The following TEDC1 variants were observed in gnomAD, a reference collection of about 807,000 sequenced individuals.
TEDC1 encodes the protein tubulin epsilon and delta complex protein 1.
Under a neutral mutation model 59.9 loss-of-function variants are expected in TEDC1, and 54 were observed. The ratio of observed to expected loss-of-function variants is 0.90; its 90% CI spans 0.72 to 1.13. The LOEUF is 1.13. TEDC1 is among the 50% of genes most tolerant of loss of function. The pLI, the probability that TEDC1 is intolerant of heterozygous loss-of-function variation, is 0.00. For missense variants in TEDC1, 734 were observed against 683.4 expected (o/e 1.07, Z -0.83); for synonymous variants, 353 against 298.1 (o/e 1.18, Z -1.90).
At position 105,492,696 on chromosome 14, in the gene TEDC1, G is replaced by C. The variant is rs1555439741; in HGVS notation, c.547G>C (p.Val183Leu). Residue 183 changes from valine (V) to leucine (L), a missense_variant, in exon 4 of 9, where the codon GTG (valine) becomes CTG (leucine). Coordinates refer to ENST00000392523, the MANE Select transcript of TEDC1 (RefSeq NM_001367178.1). ...GKLRFRWRQL[V>L]SSQQEQCALL... is the part of the protein sequence containing the mutation. ...GCTGCGGTTCCGGTGGCGCCAGCTG[G>C]TGTCCAGTCAGCAGGAGCAGTGCGC... 1 of 1,544,624 alleles carries C rather than the reference G, an allele frequency of 6.5e-7. No individual in the cohort carries two copies. Among genetic ancestry groups the C allele is most frequent in the Admixed American group, 2.0e-5 (1 of 51,004 alleles).
Position 105,498,773 on chromosome 14 carries a change from GGGGCAGCAGGGGACCGGGACCTGC to G in TEDC1, c.1323_1346del (p.Gly442_Ala449del), listed in dbSNP as rs2084405410. ...ACACCGGCTGGTGAGACGAGAGGAT[GGGGCAGCAGGGGACCGGGACCTGC>G]GGGCAGCTGTGGTGATCAGGACGCT... is the stretch of plus-strand genomic sequence containing the variant. On this transcript the variant is annotated inframe_deletion, in exon 9 of 9. Transcript: ENST00000392523. The G allele has an allele frequency of 7.0e-6, 11 of 1,570,116 alleles. No individual in the cohort carries two copies. Among genetic ancestry groups the G allele is most frequent in the Non-Finnish European group, 9.5e-6 (11 of 1,158,736 alleles).
chr14:105,497,508 CGG>C, intron 7 of TEDC1, 65 bp downstream of exon 7: 1 of 1,503,620 alleles, frequency 6.7e-7, no homozygotes, highest in Non-Finnish European at 8.9e-7. Flanking sequence ...GTGGGGCATT[CGG>C]GATCTTCCTG....
chr14:105,496,368 C>T (rs960270569), intron 6 of TEDC1: 63 of 462,272 alleles, frequency 1.4e-4, no homozygotes, highest in African/African-American at 1.2e-3. Context: ...ACCTCCCTGT[C>T]CTCATATTCT....
chr14:105,494,093 C>G (rs2084286524), intron 5 of TEDC1, 160 bp downstream of exon 5: 1 of 638,356 alleles, frequency 1.6e-6, no homozygotes. Context: ...GCCTGGGTGA[C>G]AGACAGCTTC....
chr14:105,492,049 C>T (rs1340095025), intron 2 of TEDC1, 58 bp from the exon 3 acceptor site: 4 of 1,517,706 alleles, frequency 2.6e-6, no homozygotes, highest in South Asian at 2.4e-5. Context: ...CTGGAGGGAT[C>T]CAGGTGGTGT....
At chr14:105,493,498 C>G (rs1055279201) in intron 4 of TEDC1, among the ~76,000 whole-genome samples, 17 of 152,158 alleles carry the variant, frequency 1.1e-4, no homozygotes. Flanking sequence ...CCTGGCTGAA[C>G]TGCTGTGCCT....
rs587695272 is a variant in TEDC1, at chr14:105,499,235, C to T, written c.*289C>T. The T allele has an allele frequency of 5.6e-5, 29 of 518,058 alleles. No homozygotes were observed. The highest frequency in any genetic ancestry group is 1.9e-4 in the South Asian group (8 of 41,700). The allele number at this position is 518,058 out of a possible 1,614,324, so 32.1% of individuals were successfully genotyped here. On this transcript the variant is annotated 3_prime_UTR_variant, in exon 9 of 9. Coordinates refer to ENST00000392523, the MANE Select transcript of TEDC1 (RefSeq NM_001367178.1). The stretch of plus-strand genomic sequence containing the variant: ...ATTGTAGCAGCTTTCCTGCCGCTGG[C>T]CCTCCCCCTGCCACCCTGTCGGGTT...
chr14:105,491,753 C>T, intron 2 of TEDC1, 53 bp downstream of exon 2: 1 of 1,511,712 alleles, frequency 6.6e-7, no homozygotes, highest in Non-Finnish European at 8.9e-7. Flanking sequence ...CCGCCTACTC[C>T]TGTAAAGCCC....
Position 105,492,588 on chromosome 14 carries a change from C to T in TEDC1, c.439C>T (p.Leu147=), listed in dbSNP as rs1252707821. The T allele has an allele frequency of 1.3e-6, 2 of 1,538,894 alleles. No individual in the cohort carries two copies. Among genetic ancestry groups the T allele is most frequent in the Non-Finnish European group, 1.7e-6 (2 of 1,146,770 alleles). Reference sequence around the variant, plus strand: ...CCTTGCCCCTCTCCAGTGTGAGGCCCTGGCCAGCCCTGGCCCACCTGCACC... The same window carrying T: ...CCTTGCCCCTCTCCAGTGTGAGGCCTTGGCCAGCCCTGGCCCACCTGCACC... The part of the protein sequence containing the change: ...DEMTVCQCEA[L]ASPGPPAPHM... The change falls in exon 4 of 9, where the codon CTG becomes TTG. Residue 147 remains leucine (L), a synonymous_variant. Coordinates refer to ENST00000392523, the MANE Select transcript of TEDC1 (RefSeq NM_001367178.1).
rs931527670 is a variant in TEDC1, at chr14:105,493,682, G to A, written c.586-153G>A. On this transcript the variant is annotated intron_variant, in intron 4 of 8. Transcript: ENST00000392523. ...GTTGTTCTGCACCCAGCCCAGCCCC[G>A]CCAACCTCAGGCAAGGAGTGGCTTT... 3.3e-4 allele frequency among the ~76,000 whole-genome samples: 50 copies of A among 152,224 alleles called. No individual in the cohort carries two copies. In the Middle Eastern group the frequency reaches 0.01, roughly 31 times the overall value.
intron 2 of TEDC1, 129 bp from the exon 3 acceptor site, chr14:105,491,977 TC>T: frequency 9.8e-7 from 1 of 1,022,022 alleles, no homozygotes; most frequent in Non-Finnish European, 1.4e-6. Flanking sequence ...GTTCTAGCTC[TC>T]CCACTATCAT....
intron 8 of TEDC1, 72 bp downstream of exon 8, chr14:105,498,049 G>A (rs587599188): frequency 7.1e-7 from 1 of 1,416,430 alleles, no homozygotes; most frequent in East Asian, 2.6e-5. Flanking sequence ...AGGGCACTTT[G>A]GACTTGCTGA....
intron 7 of TEDC1, 23 bp downstream of exon 7, chr14:105,497,466 C>G (rs1555440678): frequency 6.5e-7 from 1 of 1,539,688 alleles, no homozygotes. Context: ...GCGCATCCCT[C>G]TCCCGGCATC....
intron 5 of TEDC1, 158 bp downstream of exon 5, chr14:105,494,091 G>A (rs2084286371): frequency 3.1e-6 from 2 of 640,852 alleles, no homozygotes; most frequent in Admixed American, 2.6e-5. Flanking sequence ...CAGCCTGGGT[G>A]ACAGACAGCT....
At chr14:105,496,149 T>TGGGGGGGGGGGGGGG in intron 6 of TEDC1, 63 bp downstream of exon 6, 1 of 81,278 alleles carries the variant, frequency 1.2e-5, no homozygotes, top group East Asian at 2.1e-4. Flanking sequence ...TGGGAGGGGG[T>TGGGGGGGGGGGGGGG]GGCGAGGGGG....
At chr14:105,491,192 C>G, upstream of TEDC1, 4 of 1,548,222 alleles carry the variant, frequency 2.6e-6, no homozygotes, top group Non-Finnish European at 3.5e-6. Flanking sequence ...GGGCGCAGGT[C>G]CCAGCCGGCG....
intron 4 of TEDC1, among the ~76,000 whole-genome samples, chr14:105,493,169 AG>A (rs1261932013): frequency 6.6e-6 from 1 of 152,038 alleles, no homozygotes; most frequent in South Asian, 2.1e-4. Context: ...TGAAGGTGGC[AG>A]GGGCTGGCTC....
Position 105,491,677 on chromosome 14 carries a change from A to T in TEDC1, c.203A>T (p.Asn68Ile). 6.5e-7 allele frequency: 1 copy of T among 1,549,430 alleles called. No homozygotes were observed. The highest frequency in any genetic ancestry group is 8.7e-7 in the Non-Finnish European group (1 of 1,146,860). The change falls in exon 2 of 9, where the codon AAC becomes ATC. Residue 68 changes from asparagine to isoleucine, a missense_variant. Asn to Ile is a moderately radical substitution (Grantham distance 149). Coordinates refer to ENST00000392523, the MANE Select transcript of TEDC1 (RefSeq NM_001367178.1). ...FRVLSPLPAG[N>I]ALASLALEVQ... ...GTGCTCTCGCCACTCCCTGCGGGCA[A>T]CGCCTTGGCATCGCTCGCCCTGGGT... is the stretch of plus-strand genomic sequence containing the variant.
At chr14:105,491,789 G>A (rs1275718110) in intron 2 of TEDC1, 89 bp downstream of exon 2, 5 of 1,152,080 alleles carry the variant, frequency 4.3e-6, no homozygotes, top group East Asian at 4.2e-5. Flanking sequence ...GCCCCGCCCC[G>A]GCAGGCTCTA....
Sources: allele counts gnomAD v4.1 joint callset (sites outside exome capture counted in the v4.1 genomes callset), GRCh38; gene constraint gnomAD v4.1.1; transcripts MANE v1.5; gene names NCBI Gene and HGNC (gene_info 2026-07-23, HGNC 2026-07-21).